Variants in TMEM272 observed in about 807,000 individuals in gnomAD.
The protein encoded by TMEM272 is long intergenic non-protein coding RNA 282.
A neutral mutation model predicts 3.7 loss-of-function variants in TMEM272; 8 were observed. The observed-to-expected ratio is 2.17, with a 90% CI of 1.27 to 3.91. The LOEUF (loss-of-function observed/expected upper bound fraction) is 3.91. Among genes scored for constraint, TMEM272 ranks in the 30% most tolerant of loss-of-function variants. The pLI is 0.00. For missense variants in TMEM272, 166 were observed against 91.5 expected, an observed-to-expected ratio of 1.81 and a Z score of -3.32; for synonymous variants, 63 against 39.8, an observed-to-expected ratio of 1.58 and a Z score of -2.20.
intron 1 of TMEM272, among the ~76,000 whole-genome samples, chr13:51,843,265 G>T (rs1409096658): frequency 6.6e-6 from 1 of 152,180 alleles, no homozygotes; most frequent in Admixed American, 6.5e-5. Context: ...AAAGAAAGCT[G>T]CAATTTGAGA....
chr13:51,858,035 G>A, the TMEM272 span, among the ~76,000 whole-genome samples: 1 of 152,166 alleles, frequency 6.6e-6, no homozygotes, highest in Non-Finnish European at 1.5e-5. Flanking sequence ...AAAAATCAAA[G>A]TGTCAATATG....
At chr13:51,818,846 C>T (rs960043321) in intron 4 of TMEM272, among the ~76,000 whole-genome samples, 8 of 152,132 alleles carry the variant, frequency 5.3e-5, no homozygotes, top group Non-Finnish European at 1.0e-4. Context: ...CCTGGGGCCG[C>T]GTATTATCTC....
the TMEM272 span, among the ~76,000 whole-genome samples, chr13:51,864,132 TTTTCTTTTCCTTC>T: frequency 2.0e-5 from 3 of 152,004 alleles, no homozygotes; most frequent in South Asian, 6.2e-4. Context: ...TCTTTTCTTT[TTTTCTTTTCCTTC>T]TTTCTTCCTC....
At position 51,822,120 on chromosome 13, in the gene TMEM272, C is replaced by T; in HGVS notation, c.136G>A (p.Asp46Asn). ...GGAATGAGGGGCTGTATAGGGCAGT[C>T]CTCCAAAAATTTCATTCCTACATAG... ...MTFIGMKFLEDCPIQPLIPLY... is the reference protein window; with the variant it reads ...MTFIGMKFLENCPIQPLIPLY... The change falls in exon 4 of 5, where the codon GAC (aspartate) becomes AAC (asparagine). Residue 46 changes from aspartate to asparagine, a missense_variant. Coordinates refer to ENST00000629372, the MANE Select transcript of TMEM272 (RefSeq NM_001351003.2). The T allele has an allele frequency of 1.4e-6, 1 of 698,284 alleles. No individual in the cohort carries two copies. The allele number at this position is 698,284 out of a possible 1,614,324, so 43.3% of individuals were successfully genotyped here. A position where few individuals can be genotyped will look rare whatever the true frequency, so the allele number is the denominator to read the frequency against.
At chr13:51,817,673 T>C (rs1400327413) in intron 4 of TMEM272, among the ~76,000 whole-genome samples, 2 of 152,072 alleles carry the variant, frequency 1.3e-5, no homozygotes, top group Non-Finnish European at 2.9e-5. Flanking sequence ...TCTTGGAAGT[T>C]TGTACCACTG....
chr13:51,822,577 G>A (rs1238829290), intron 3 of TMEM272, among the ~76,000 whole-genome samples: 1 of 152,112 alleles, frequency 6.6e-6, no homozygotes, highest in Non-Finnish European at 1.5e-5. Context: ...CGTGAATGAG[G>A]TTCTCATCTA....
the TMEM272 span, among the ~76,000 whole-genome samples, chr13:51,915,580 C>A: frequency 6.6e-6 from 1 of 152,206 alleles, no homozygotes; most frequent in Non-Finnish European, 1.5e-5. Flanking sequence ...TCATGTTCCT[C>A]TACATATACG....
chr13:51,902,146 G>A, the TMEM272 span, among the ~76,000 whole-genome samples: 1 of 152,208 alleles, frequency 6.6e-6, no homozygotes, highest in African/African-American at 2.4e-5. Context: ...TGCATTGGAT[G>A]AAAGAATAAA....
At chr13:51,888,477 C>A in the TMEM272 span, among the ~76,000 whole-genome samples, 8 of 152,052 alleles carry the variant, frequency 5.3e-5, no homozygotes, top group African/African-American at 1.7e-4. Context: ...GATTATATAC[C>A]AATATAGATG....
intron 2 of TMEM272, among the ~76,000 whole-genome samples, chr13:51,830,588 T>A (rs1306347510): frequency 2.0e-5 from 3 of 152,236 alleles, no homozygotes; most frequent in African/African-American, 7.2e-5. Flanking sequence ...TGGCACATAA[T>A]AAACACCGAT....
rs1491149838 is a variant in TMEM272 at position 51,816,652 on chromosome 13, CCT to C, written c.*97_*98del. On this transcript the variant is annotated 3_prime_UTR_variant, in exon 5 of 5. Transcript: ENST00000629372. ...TATTACCTTTATGCCCTTCTCTGAA[CCT>C]GTGTGTGTGTGTGTGTGTGTGTGCG... 2.1e-5 allele frequency: 12 copies of C among 583,480 alleles called. No individual in the cohort carries two copies. The highest frequency in any genetic ancestry group is 5.5e-5 in the East Asian group (2 of 36,112). 36.1% of individuals were successfully genotyped at this position (583,480 alleles called of 1,614,324 possible).
the TMEM272 span, among the ~76,000 whole-genome samples, chr13:51,883,863 T>C: frequency 1.1e-4 from 16 of 152,362 alleles, no homozygotes; most frequent in East Asian, 7.7e-4. Flanking sequence ...CCTCCATCCA[T>C]GTAAAGCTCT....
At chr13:51,933,087 G>A in the TMEM272 span, 96 of 152,340 alleles carry the variant, frequency 6.3e-4, no homozygotes, top group African/African-American at 2.2e-3. Context: ...GTGAAGGTCA[G>A]ATGACCTCCT....
chr13:51,861,310 C>T, the TMEM272 span, among the ~76,000 whole-genome samples: 1 of 152,056 alleles, frequency 6.6e-6, no homozygotes, highest in Non-Finnish European at 1.5e-5. Flanking sequence ...GTTAATAACA[C>T]TGTATTAAAG....
the TMEM272 span, among the ~76,000 whole-genome samples, chr13:51,871,206 T>C: frequency 6.6e-6 from 1 of 151,390 alleles, no homozygotes; most frequent in Non-Finnish European, 1.5e-5. Flanking sequence ...TTTTTTTTTT[T>C]TTGAGATGGA....
the TMEM272 span, chr13:51,909,863 T>G: frequency 6.3e-7 from 1 of 1,593,374 alleles, no homozygotes; most frequent in South Asian, 1.1e-5. Flanking sequence ...GAACTTGTTC[T>G]GCGTGTACTT....
chr13:51,824,457 ACTAT>A (rs1299555816), intron 3 of TMEM272, among the ~76,000 whole-genome samples: 1 of 152,202 alleles, frequency 6.6e-6, no homozygotes, highest in African/African-American at 2.4e-5. Context: ...AACCATCACC[ACTAT>A]CTATTTCCAA....
the TMEM272 span, among the ~76,000 whole-genome samples, chr13:51,927,806 G>T: frequency 6.6e-6 from 1 of 152,214 alleles, no homozygotes; most frequent in East Asian, 1.9e-4. Context: ...TTCTAATGAT[G>T]ACTGCCTTTT....
chr13:51,832,921 T>C (rs954434082), intron 2 of TMEM272, among the ~76,000 whole-genome samples: 1 of 152,130 alleles, frequency 6.6e-6, no homozygotes, highest in South Asian at 2.1e-4. Context: ...AGATGAGATG[T>C]GCACCCAAGG....
Sources: gnomAD v4.1 joint callset for allele counts (sites outside exome capture counted in the v4.1 genomes callset) on GRCh38, gnomAD v4.1.1 for gene constraint, MANE v1.5 for transcripts, NCBI Gene and HGNC (gene_info 2026-07-23, HGNC 2026-07-21) for gene names.